The following FHOD3 variants were observed in gnomAD, a reference collection of about 807,000 sequenced individuals.
FHOD3 encodes FH1/FH2 domain-containing protein 3.
In FHOD3, 90 loss-of-function variants were observed where a neutral mutation model predicts 173.0. The observed-to-expected ratio is 0.52, with a 90% CI of 0.44 to 0.62. The LOEUF is 0.62. FHOD3 is among the 20% of genes least tolerant of loss of function. FHOD3 has a pLI of 0.00. For missense variants in FHOD3, 1,945 were observed against 2,034.7 expected, an observed-to-expected ratio of 0.96 and a Z score of 0.85; for synonymous variants, 828 against 823.0, an observed-to-expected ratio of 1.01 and a Z score of -0.10.
chr18:36,526,867 T>C (rs1386981645), intron 5 of FHOD3, among the ~76,000 whole-genome samples: 2 of 152,246 alleles, frequency 1.3e-5, no homozygotes, highest in Non-Finnish European at 2.9e-5. Flanking sequence ...AAAGGAGATA[T>C]GTAACGTGGT....
chr18:36,356,527 C>T (rs1880496615), intron 2 of FHOD3, among the ~76,000 whole-genome samples: 1 of 152,166 alleles, frequency 6.6e-6, no homozygotes, highest in South Asian at 2.1e-4. Flanking sequence ...GACAGAGTCT[C>T]ACTCCAGTTG....
chr18:36,503,926 C>T (rs548928488), intron 4 of FHOD3, among the ~76,000 whole-genome samples: 9 of 152,160 alleles, frequency 5.9e-5, no homozygotes, highest in South Asian at 2.1e-4. Flanking sequence ...CCTGGACCTG[C>T]GACTTATTGA....
At chr18:36,552,277 T>G (rs1344270353) in intron 5 of FHOD3, among the ~76,000 whole-genome samples, 1 of 152,192 alleles carries the variant, frequency 6.6e-6, no homozygotes, top group African/African-American at 2.4e-5. Context: ...GGGAGTTCAC[T>G]CATGATTTGA....
intron 28 of FHOD3, among the ~76,000 whole-genome samples, chr18:36,770,828 G>T (rs1037709641): frequency 1.3e-5 from 2 of 152,162 alleles, no homozygotes; most frequent in African/African-American, 4.8e-5. Flanking sequence ...CAGGGGTGAG[G>T]CCTTGAGGTG....
chr18:36,669,304 C>A (rs565385304), intron 14 of FHOD3, among the ~76,000 whole-genome samples: 1 of 151,362 alleles, frequency 6.6e-6, no homozygotes, highest in Admixed American at 6.6e-5. Context: ...TATGGTATAT[C>A]TTTTTTATTA....
chr18:36,704,591 G>A (rs1229255205), intron 17 of FHOD3, among the ~76,000 whole-genome samples: 1 of 152,180 alleles, frequency 6.6e-6, no homozygotes, highest in Non-Finnish European at 1.5e-5. Context: ...TCACTCCTGA[G>A]CCTCCCTTGA....
At position 36,507,314 on chromosome 18, in the gene FHOD3, A is replaced by G. The variant is rs116343897; in HGVS notation, c.406-5124A>G. ...AAAATTATTTAAACTATTGTATAAAATTACCTTCATGCTATATATAAATTG... is the reference window on the plus strand; with the variant it reads ...AAAATTATTTAAACTATTGTATAAAGTTACCTTCATGCTATATATAAATTG... On this transcript the variant is annotated intron_variant, in intron 4 of 28. Coordinates refer to ENST00000590592, the MANE Select transcript of FHOD3 (RefSeq NM_001281740.3). Among the ~76,000 whole-genome samples, 1,486 of 152,342 alleles carry G rather than the reference A, an allele frequency of 9.8e-3. 20 individuals are homozygous for G. The highest frequency in any genetic ancestry group is 0.034 in the African/African-American group (1,398 of 41,570).
At chr18:36,539,694 A>G (rs150761964) in intron 5 of FHOD3, among the ~76,000 whole-genome samples, 155 of 152,360 alleles carry the variant, frequency 1.0e-3, no homozygotes, top group African/African-American at 3.6e-3. Flanking sequence ...GGGGCTGTTT[A>G]TCACCATTTT....
chr18:36,732,188 C>T (rs545487371), intron 20 of FHOD3, among the ~76,000 whole-genome samples: 7 of 152,178 alleles, frequency 4.6e-5, no homozygotes, highest in Non-Finnish European at 1.0e-4. Flanking sequence ...TGGACAACCA[C>T]CAGCACTGGG....
At chr18:36,326,825 A>T (rs2044692493) in intron 1 of FHOD3, among the ~76,000 whole-genome samples, 1 of 152,178 alleles carries the variant, frequency 6.6e-6, no homozygotes, top group Non-Finnish European at 1.5e-5. Flanking sequence ...ATACTGAATT[A>T]CTTGGTTTGT....
chr18:36,495,351 G>C (rs1220253034), intron 3 of FHOD3, among the ~76,000 whole-genome samples: 1 of 152,016 alleles, frequency 6.6e-6, no homozygotes, highest in Admixed American at 6.6e-5. Context: ...ACCTGAGTCT[G>C]GGATGGCAGG....
At chr18:36,524,807 G>C (rs750707163) in intron 5 of FHOD3, among the ~76,000 whole-genome samples, 1 of 152,062 alleles carries the variant, frequency 6.6e-6, no homozygotes, top group Non-Finnish European at 1.5e-5. Flanking sequence ...CTATGGTTGG[G>C]GGCTTCTAAA....
Position 36,477,479 on chromosome 18 carries a change from T to C in FHOD3, c.338-24453T>C, listed in dbSNP as rs372209215. Among the ~76,000 whole-genome samples the C allele has an allele frequency of 2.5e-4, 36 of 145,688 alleles. No individual in the cohort carries two copies. In the South Asian group the frequency reaches 4.3e-3, roughly 17 times the overall value. On this transcript the variant is annotated intron_variant, in intron 3 of 28. Transcript: ENST00000590592. ...AATGTGTGTGTGTATATAAATCCAC[T>C]CACCCACCCATCCATCCATCCATCC...
At chr18:36,657,609 T>C (rs1277165341) in intron 13 of FHOD3, among the ~76,000 whole-genome samples, 1 of 152,198 alleles carries the variant, frequency 6.6e-6, no homozygotes, top group Non-Finnish European at 1.5e-5. Flanking sequence ...ATTTAATCAG[T>C]GAAATTGATA....
intron 15 of FHOD3, among the ~76,000 whole-genome samples, chr18:36,682,217 A>G (rs2038296550): frequency 6.6e-6 from 1 of 152,014 alleles, no homozygotes; most frequent in South Asian, 2.1e-4. Context: ...CACATTCTCC[A>G]GGTCATCCTC....
At chr18:36,766,689 T>C (rs1474910376) in intron 27 of FHOD3, among the ~76,000 whole-genome samples, 1 of 152,156 alleles carries the variant, frequency 6.6e-6, no homozygotes, top group African/African-American at 2.4e-5. Flanking sequence ...TAAAACTGAG[T>C]TGACAATCTT....
At chr18:36,347,229 G>A (rs2045919578) in intron 1 of FHOD3, among the ~76,000 whole-genome samples, 1 of 152,232 alleles carries the variant, frequency 6.6e-6, no homozygotes, top group Non-Finnish European at 1.5e-5. Flanking sequence ...ATAGACATAA[G>A]TAAAAAATAT....
At position 36,694,955 on chromosome 18, in the gene FHOD3, T is replaced by C. The variant is rs1388506395; in HGVS notation, c.2236+1532T>C. Among the ~76,000 whole-genome samples, 5 of 150,532 alleles carry C rather than the reference T, an allele frequency of 3.3e-5. No individual in the cohort carries two copies. The East Asian group carries it at 9.9e-4, about 30-fold the overall frequency. On this transcript the variant is annotated intron_variant, in intron 17 of 28. Coordinates refer to ENST00000590592, the MANE Select transcript of FHOD3 (RefSeq NM_001281740.3). ...TCAGCTTCAGTAAGAATACAGAAAA[T>C]AGTCATTTCATGTATACGTGGGTGT... is the stretch of plus-strand genomic sequence containing the variant.
At chr18:36,312,544 A>G (rs2092284457) in intron 1 of FHOD3, among the ~76,000 whole-genome samples, 1 of 152,132 alleles carries the variant, frequency 6.6e-6, no homozygotes, top group South Asian at 2.1e-4. Flanking sequence ...AGCGAGGAGC[A>G]TTGCCAGCCA....
Sources: allele counts gnomAD v4.1 joint callset (sites outside exome capture counted in the v4.1 genomes callset), GRCh38; gene constraint gnomAD v4.1.1; transcripts MANE v1.5; gene names NCBI Gene and HGNC (gene_info 2026-07-23, HGNC 2026-07-21).